FAM124A: variants seen among roughly 807,000 people sequenced by gnomAD.
FAM124A encodes family with sequence similarity 124 member A, also known as protein FAM124A.
In FAM124A, 23 loss-of-function variants were observed where a neutral mutation model predicts 24.5. The observed-to-expected ratio is 0.94, with a 90% CI of 0.68 to 1.33. The LOEUF (loss-of-function observed/expected upper bound fraction) is 1.33, where lower values mean the gene tolerates loss of function less well. Ranked by LOEUF, FAM124A falls within the 40% of genes most tolerant of loss-of-function variation. The pLI, the probability that FAM124A is intolerant of heterozygous loss-of-function variation, is 0.00. For missense variants in FAM124A, 623 were observed against 722.8 expected, an observed-to-expected ratio of 0.86 and a Z score of 1.58; for synonymous variants, 287 against 314.7, an observed-to-expected ratio of 0.91 and a Z score of 0.93.
At chr13:51,231,167 A>G (rs1188279579) in intron 1 of FAM124A, among the ~76,000 whole-genome samples, 181 bp from the exon 2 acceptor site, 1 of 152,252 alleles carries the variant, frequency 6.6e-6, no homozygotes, top group Non-Finnish European at 1.5e-5. Flanking sequence ...GTTCCTTTAA[A>G]GTTTTCTTTC....
intron 3 of FAM124A, among the ~76,000 whole-genome samples, chr13:51,254,784 T>G (rs1266309426): frequency 6.6e-6 from 1 of 152,208 alleles, no homozygotes; most frequent in East Asian, 1.9e-4. Flanking sequence ...CCCATAGAAC[T>G]AAACTGACAT....
intron 3 of FAM124A, 106 bp downstream of exon 3, chr13:51,252,307 G>C: frequency 2.1e-4 from 299 of 1,421,804 alleles, no homozygotes; most frequent in Non-Finnish European, 2.6e-4. Context: ...AGGAAGGAGA[G>C]ATCAGTGACC....
intron 3 of FAM124A, chr13:51,253,655 T>C (rs760960949): frequency 1.3e-5 from 2 of 152,218 alleles, no homozygotes; most frequent in Non-Finnish European, 2.9e-5. Flanking sequence ...TTTGCAGTAA[T>C]TAGAGCACTT....
intron 1 of FAM124A, among the ~76,000 whole-genome samples, chr13:51,228,845 T>C (rs1471816184): frequency 1.3e-5 from 2 of 152,176 alleles, no homozygotes; most frequent in Non-Finnish European, 2.9e-5. Flanking sequence ...CCCATGATAA[T>C]TTTTCTAAGG....
chr13:51,268,535 G>C (rs773547531), intron 3 of FAM124A, among the ~76,000 whole-genome samples: 1 of 152,220 alleles, frequency 6.6e-6, no homozygotes, highest in Non-Finnish European at 1.5e-5. Flanking sequence ...CTTTTCATTA[G>C]GTCAGGTGTC....
At chr13:51,262,690 T>A (rs1338530587) in intron 3 of FAM124A, among the ~76,000 whole-genome samples, 6 of 152,206 alleles carry the variant, frequency 3.9e-5, no homozygotes, top group Non-Finnish European at 8.8e-5. Context: ...GGCTTCATGC[T>A]GAGAGAATGA....
rs151022740 is a variant in FAM124A at position 51,269,742 on chromosome 13, A to G, written c.835-10708A>G. ...AAGATTTGTGAGTTGAACTCAGTCAATTTAAGGGAAAATTGAGCTTGAAAT... is the reference window on the plus strand; with the variant it reads ...AAGATTTGTGAGTTGAACTCAGTCAGTTTAAGGGAAAATTGAGCTTGAAAT... On this transcript the variant is annotated intron_variant, in intron 3 of 3. Transcript: ENST00000322475. Among the ~76,000 whole-genome samples the G allele has an allele frequency of 3.0e-3, 452 of 152,358 alleles. 8 individuals carry two copies. The East Asian group carries it at 0.048, about 16-fold the overall frequency.
At position 51,258,978 on chromosome 13, in the gene FAM124A, C is replaced by T. The variant is rs1259753730; in HGVS notation, c.834+6777C>T. Among the ~76,000 whole-genome samples, 1 of 152,180 alleles carries T rather than the reference C, an allele frequency of 6.6e-6. No individual in the cohort carries two copies. Among genetic ancestry groups the T allele is most frequent in the Non-Finnish European group, 1.5e-5 (1 of 68,030 alleles). On this transcript the variant is annotated intron_variant, in intron 3 of 3. Coordinates refer to ENST00000322475, the MANE Select transcript of FAM124A (RefSeq NM_001242312.2). The surrounding 1 kb of genome is among the most constrained non-coding windows in gnomAD (Gnocchi z 4.2). Reference sequence around the variant, plus strand: ...GGAGCAGAAGGCACAATGGCCTGGGCAGGACGGGGCCGGGGCAGCCGTCAG... The same window carrying T: ...GGAGCAGAAGGCACAATGGCCTGGGTAGGACGGGGCCGGGGCAGCCGTCAG...
At chr13:51,265,854 C>T (rs563495517) in intron 3 of FAM124A, among the ~76,000 whole-genome samples, 1 of 152,268 alleles carries the variant, frequency 6.6e-6, no homozygotes, top group African/African-American at 2.4e-5. Context: ...ATTCAAGATG[C>T]TTGATTGGTT....
intron 3 of FAM124A, among the ~76,000 whole-genome samples, chr13:51,266,971 G>A (rs1954791420): frequency 6.6e-6 from 1 of 152,188 alleles, no homozygotes; most frequent in Non-Finnish European, 1.5e-5. Flanking sequence ...ACAGACAGAA[G>A]TCCCTGCCCT....
chr13:51,256,785 A>C (rs1401587324), intron 3 of FAM124A, among the ~76,000 whole-genome samples: 1 of 152,162 alleles, frequency 6.6e-6, no homozygotes, highest in Non-Finnish European at 1.5e-5. Flanking sequence ...ACCACCATCC[A>C]TCTCTGTAAC....
At chr13:51,257,492 C>T (rs985937208) in intron 3 of FAM124A, among the ~76,000 whole-genome samples, 1 of 152,188 alleles carries the variant, frequency 6.6e-6, no homozygotes, top group South Asian at 2.1e-4. Context: ...CATTTGTGTG[C>T]GTGTGCTTAT....
Position 51,281,177 on chromosome 13 carries a change from A to C in FAM124A, c.1562A>C (p.Lys521Thr), listed in dbSNP as rs1954934923. 1 of 1,613,558 alleles carries C rather than the reference A, an allele frequency of 6.2e-7. No individual in the cohort carries two copies. Among genetic ancestry groups the C allele is most frequent in the Non-Finnish European group, 8.5e-7 (1 of 1,179,886 alleles). ...CTCCCATGCGATACCCCCAAAGTCA[A>C]GCAGACTGATGGAGACATGCCACCA... ...PQLPCDTPKV[K>T]QTDGDMPPPP... Residue 521 changes from lysine (K) to threonine (T), a missense_variant, in exon 4 of 4, where the codon AAG (lysine) becomes ACG (threonine). Lys to Thr is a moderately conservative substitution (Grantham distance 78). Transcript: ENST00000322475.
Position 51,280,928 on chromosome 13 carries a change from G to T in FAM124A, c.1313G>T (p.Cys438Phe). The change falls in exon 4 of 4, where the codon TGC becomes TTC. Residue 438 changes from cysteine (C) to phenylalanine (F), a missense_variant. Transcript: ENST00000322475. ...GCATATTCTGCACCCAGTAGGTTCTGCAGCACAGTGGAGACACCCCTCCCC... is the reference window on the plus strand; with the variant it reads ...GCATATTCTGCACCCAGTAGGTTCTTCAGCACAGTGGAGACACCCCTCCCC... Reference protein sequence around the residue: ...VSAYSAPSRFCSTVETPLPSE... With the variant: ...VSAYSAPSRFFSTVETPLPSE... The T allele has an allele frequency of 1.2e-6, 2 of 1,614,154 alleles. No homozygotes were observed. The highest frequency in any genetic ancestry group is 1.7e-6 in the Non-Finnish European group (2 of 1,180,022).
At chr13:51,235,743 G>A (rs1225284348) in intron 2 of FAM124A, among the ~76,000 whole-genome samples, 1 of 152,232 alleles carries the variant, frequency 6.6e-6, no homozygotes, top group Non-Finnish European at 1.5e-5. Context: ...GGAATGCCTT[G>A]TAGACAGCAG....
At chr13:51,235,551 A>G (rs1347268610) in intron 2 of FAM124A, among the ~76,000 whole-genome samples, 2 of 152,224 alleles carry the variant, frequency 1.3e-5, no homozygotes, top group Non-Finnish European at 2.9e-5. Context: ...TTTTTTGAAG[A>G]TATCTAGCCC....
chr13:51,222,665 G>A, intron 1 of FAM124A, 96 bp downstream of exon 1: 1 of 1,134,310 alleles, frequency 8.8e-7, no homozygotes, highest in Non-Finnish European at 1.1e-6. Flanking sequence ...CGTGCGACGG[G>A]ACCGGGGCGC....
intron 3 of FAM124A, among the ~76,000 whole-genome samples, chr13:51,267,357 G>T (rs574292447): frequency 7.2e-5 from 11 of 152,094 alleles, no homozygotes; most frequent in Non-Finnish European, 1.3e-4. Flanking sequence ...TTAAATGTAT[G>T]TCATTTTAGT....
rs1159020383 is a variant in FAM124A, at chr13:51,282,129, C to T, written c.*873C>T. 1 of 152,198 alleles carries T rather than the reference C, an allele frequency of 6.6e-6. No homozygotes were observed. Among genetic ancestry groups the T allele is most frequent in the Non-Finnish European group, 1.5e-5 (1 of 68,046 alleles). 9.4% of individuals were successfully genotyped at this position (152,198 alleles called of 1,614,324 possible). On this transcript the variant is annotated 3_prime_UTR_variant, in exon 4 of 4. Coordinates refer to ENST00000322475, the MANE Select transcript of FAM124A (RefSeq NM_001242312.2). The stretch of plus-strand genomic sequence containing the variant: ...GGTAGGTAGTCTTAAGATCCTTCAA[C>T]TTTCAAAAACCACAGTCTAAGGACT...
Sources: gnomAD v4.1 joint callset for allele counts (sites outside exome capture counted in the v4.1 genomes callset) on GRCh38, gnomAD v4.1.1 for gene constraint, Gnocchi (gnomAD v3.1) non-coding constraint, MANE v1.5 for transcripts, NCBI Gene and HGNC (gene_info 2026-07-23, HGNC 2026-07-21) for gene names.